The following WDR27 variants were observed in gnomAD, a reference collection of about 807,000 sequenced individuals.
The protein encoded by WDR27 is WD repeat-containing protein 27.
Under a neutral mutation model 114.4 loss-of-function variants are expected in WDR27, and 100 were observed. The ratio of observed to expected loss-of-function variants is 0.87; its 90% CI spans 0.74 to 1.03. WDR27 has a LOEUF of 1.03. Among genes scored for constraint, WDR27 ranks in the 50% least tolerant of loss-of-function variants. The pLI, the probability that WDR27 is intolerant of heterozygous loss-of-function variation, is 0.00. For synonymous variants in WDR27, 449 were observed against 423.1 expected (o/e 1.06, Z -0.75); for missense variants, 1,129 against 1,092.9 (o/e 1.03, Z -0.47).
intron 6 of WDR27, chr6:169,666,630 T>C: frequency 1.0e-6 from 1 of 985,688 alleles, no homozygotes; most frequent in Middle Eastern, 5.2e-4. Context: ...ATGCTGTAGC[T>C]GTGTGGCCGT....
chr6:169,601,071 G>A (rs886270366), intron 23 of WDR27, among the ~76,000 whole-genome samples: 1 of 152,182 alleles, frequency 6.6e-6, no homozygotes, highest in Non-Finnish European at 1.5e-5. Flanking sequence ...AGAAAGGTCG[G>A]GTTACCCACA....
At chr6:169,582,749 T>G (rs1453378697) in intron 24 of WDR27, 87 bp downstream of exon 24, 2 of 1,043,940 alleles carry the variant, frequency 1.9e-6, no homozygotes, top group Non-Finnish European at 1.4e-6. Flanking sequence ...TTATAAGATT[T>G]CACCAAAATA....
intron 18 of WDR27, among the ~76,000 whole-genome samples, chr6:169,637,264 C>T (rs73240715): frequency 0.038 from 5,843 of 152,246 alleles, 390 homozygotes; most frequent in African/African-American, 0.13. Context: ...TATACTTCCC[C>T]CACGTAATAG....
At chr6:169,613,740 A>T in intron 21 of WDR27, 84 bp from the exon 22 acceptor site, 14 of 1,204,006 alleles carry the variant, frequency 1.2e-5, no homozygotes, top group Non-Finnish European at 1.4e-5. Flanking sequence ...ATAATAGCTG[A>T]TTCTCAAGTA....
At chr6:169,694,605 G>A (rs1785357957) in intron 1 of WDR27, among the ~76,000 whole-genome samples, 1 of 152,192 alleles carries the variant, frequency 6.6e-6, no homozygotes, top group Non-Finnish European at 1.5e-5. Context: ...TCATGTCTCA[G>A]AAGAGAAAGC....
intron 14 of WDR27, among the ~76,000 whole-genome samples, chr6:169,649,986 TCATCCCTC>T (rs1254959164): frequency 1.6e-5 from 2 of 126,850 alleles, no homozygotes; most frequent in African/African-American, 6.2e-5. Context: ...CATTCATCTC[TCATCCCTC>T]CATCCCTCTA....
intron 25 of WDR27, among the ~76,000 whole-genome samples, chr6:169,534,120 T>A (rs1232831585): frequency 6.6e-6 from 1 of 152,184 alleles, no homozygotes; most frequent in Non-Finnish European, 1.5e-5. Flanking sequence ...TTGTTACATT[T>A]TGTCAAATCA....
At chr6:169,484,295 G>C (rs575675764) in intron 25 of WDR27, among the ~76,000 whole-genome samples, 1 of 152,256 alleles carries the variant, frequency 6.6e-6, no homozygotes, top group Non-Finnish European at 1.5e-5. Flanking sequence ...CAGCCCAAAA[G>C]CTCCTTGATC....
At chr6:169,653,867 C>A (rs1823273502) in intron 13 of WDR27, among the ~76,000 whole-genome samples, 1 of 152,248 alleles carries the variant, frequency 6.6e-6, no homozygotes, top group Non-Finnish European at 1.5e-5. Context: ...GCGAGCTTCA[C>A]CTTCTCCGAC....
chr6:169,478,783 C>A (rs377018241), intron 25 of WDR27, among the ~76,000 whole-genome samples: 3 of 152,054 alleles, frequency 2.0e-5, no homozygotes, highest in Admixed American at 1.3e-4. Context: ...ATCTGATTTT[C>A]GACAAGGCTG....
In WDR27 at chr6:169,612,318, G is replaced by A. The variant is rs1201995441; in HGVS notation, c.2321+1241C>T. 2.0e-5 allele frequency among the ~76,000 whole-genome samples: 3 copies of A among 152,320 alleles called. No homozygotes were observed. The South Asian group carries it at 6.2e-4, about 32-fold the overall frequency. ...CCTGTAATCCCAGCTACTCGGAGAG[G>A]CTGAGGCAGGAGAATGGCGTGAAGC... On this transcript the variant is annotated intron_variant, in intron 22 of 25. Coordinates refer to ENST00000448612, the MANE Select transcript of WDR27 (RefSeq NM_182552.5).
chr6:169,567,725 A>G (rs1019930250), intron 25 of WDR27, among the ~76,000 whole-genome samples: 11 of 152,160 alleles, frequency 7.2e-5, no homozygotes, highest in African/African-American at 2.7e-4. Context: ...TCAGCCCCAC[A>G]GCGGATTCCT....
intron 21 of WDR27, among the ~76,000 whole-genome samples, chr6:169,622,132 C>G (rs1335186001): frequency 6.6e-6 from 1 of 152,212 alleles, no homozygotes; most frequent in Non-Finnish European, 1.5e-5. Context: ...TACCCAGGAC[C>G]TGAAGGTCCC....
At chr6:169,666,983 C>T in intron 6 of WDR27, 153 bp downstream of exon 6, 3 of 985,450 alleles carry the variant, frequency 3.0e-6, no homozygotes, top group Non-Finnish European at 3.6e-6. Flanking sequence ...AATCCTCTCC[C>T]TGTGTGGACG....
At chr6:169,448,071 T>G in the WDR27 span, among the ~76,000 whole-genome samples, 1 of 152,188 alleles carries the variant, frequency 6.6e-6, no homozygotes, top group African/African-American at 2.4e-5. Context: ...CTATTAATAA[T>G]GTTGAAGTGC....
In WDR27 at chr6:169,639,019, C is replaced by T. The variant is rs537196130; in HGVS notation, c.1748-359G>A. On this transcript the variant is annotated intron_variant, in intron 17 of 25. Coordinates refer to ENST00000448612, the MANE Select transcript of WDR27 (RefSeq NM_182552.5). ...GGGTACTGCGTGGTGCTGGATACTGCGTGGTGCTGGGTACTGCGTGGTGCT... is the reference window on the plus strand; with the variant it reads ...GGGTACTGCGTGGTGCTGGATACTGTGTGGTGCTGGGTACTGCGTGGTGCT... 2.6e-3 allele frequency among the ~76,000 whole-genome samples: 336 copies of T among 128,554 alleles called. 3 individuals are homozygous for T. Among genetic ancestry groups the T allele is most frequent in the African/African-American group, 8.0e-3 (315 of 39,202 alleles). 84.3% of individuals were successfully genotyped at this position (128,554 alleles called of 152,430 possible). A position where few individuals can be genotyped will look rare whatever the true frequency, so the allele number is the denominator to read the frequency against.
At chr6:169,655,992 G>A (rs539969436) in intron 13 of WDR27, among the ~76,000 whole-genome samples, 11 of 152,274 alleles carry the variant, frequency 7.2e-5, no homozygotes, top group Admixed American at 1.3e-4. Flanking sequence ...AAAGTGCTGC[G>A]ATTACAGGCG....
intron 25 of WDR27, among the ~76,000 whole-genome samples, chr6:169,561,338 C>A (rs914617311): frequency 1.3e-5 from 2 of 152,062 alleles, no homozygotes; most frequent in Admixed American, 1.3e-4. Flanking sequence ...ACACCATCAT[C>A]TTAAGAGAGA....
At position 169,644,575 on chromosome 6, in the gene WDR27, TCA is replaced by T. The variant is rs1169191340; in HGVS notation, c.1658-791_1658-790del. Among the ~76,000 whole-genome samples the T allele has an allele frequency of 2.7e-4, 41 of 149,314 alleles. 1 individual carries two copies. The highest frequency in any genetic ancestry group is 1.0e-3 in the African/African-American group (41 of 40,878). Reference sequence around the variant, plus strand: ...GAGTCACACTGTCGAAAAGCCTAGTTCACAGGAGTCACACTGTGGAAAACCCT... The same window carrying T: ...GAGTCACACTGTCGAAAAGCCTAGTTCAGGAGTCACACTGTGGAAAACCCT... On this transcript the variant is annotated intron_variant, in intron 16 of 25. Coordinates refer to ENST00000448612, the MANE Select transcript of WDR27 (RefSeq NM_182552.5).
Sources: gnomAD v4.1 joint callset for allele counts (sites outside exome capture counted in the v4.1 genomes callset) on GRCh38, gnomAD v4.1.1 for gene constraint, MANE v1.5 for transcripts, NCBI Gene and HGNC (gene_info 2026-07-23, HGNC 2026-07-21) for gene names.